ZFHX3: variants seen among roughly 807,000 people sequenced by gnomAD.
ZFHX3 encodes zinc finger homeobox protein 3.
ZFHX3 carries 42 observed loss-of-function variants against 279.1 expected under a neutral mutation model. That is an observed-to-expected ratio of 0.15 (90% CI 0.12 to 0.19). The LOEUF (loss-of-function observed/expected upper bound fraction) is 0.19, where lower values mean the gene tolerates loss of function less well. Among genes scored for constraint, ZFHX3 ranks in the 10% least tolerant of loss-of-function variants. ZFHX3 has a pLI of 1.00. For synonymous variants in ZFHX3, 2,293 were observed against 1,957.8 expected (o/e 1.17, Z -4.52); for missense variants, 4,981 against 4,754.0 (o/e 1.05, Z -1.40).
intron 4 of ZFHX3, among the ~76,000 whole-genome samples, chr16:73,259,164 T>TGTACACACGTGTGAGC (rs1264531453): frequency 1.3e-5 from 2 of 152,238 alleles, no homozygotes; most frequent in African/African-American, 4.8e-5. Flanking sequence ...TATGTGTGTG[T>TGTACACACGTGTGAGC]GTACACACGT....
intron 2 of ZFHX3, chr16:73,609,862 G>C (rs1006101101): frequency 6.6e-6 from 1 of 152,172 alleles, no homozygotes; most frequent in Non-Finnish European, 1.5e-5. Flanking sequence ...AATTGCCTAA[G>C]CTGTGAAAAT....
chr16:72,959,107 A>C lies in ZFHX3; in HGVS notation c.1039T>G (p.Phe347Val). The C allele has an allele frequency of 2.5e-6, 4 of 1,614,166 alleles. No individual in the cohort carries two copies. The highest frequency in any genetic ancestry group is 3.4e-6 in the Non-Finnish European group (4 of 1,180,020). ...VSFLEPKNKN[F>V]QHPLVSTANL... is the part of the protein sequence containing the mutation. ...GCTGTGGAAACTAAAGGGTGTTGAA[A>C]GTTTTTGTTTTTTGGTTCCAGAAAA... is the stretch of plus-strand genomic sequence containing the variant. The change falls in exon 2 of 10, where the codon TTT (phenylalanine) becomes GTT (valine). Residue 347 changes from phenylalanine (F) to valine (V), a missense_variant. By Grantham distance (50) the Phe-to-Val change is conservative. Transcript: ENST00000268489.
intron 1 of ZFHX3, among the ~76,000 whole-genome samples, chr16:73,835,606 G>C (rs963759568): frequency 6.6e-5 from 10 of 151,482 alleles, no homozygotes; most frequent in Admixed American, 2.0e-4. Flanking sequence ...AAGTAGCTGG[G>C]ATTACAGGCA....
At chr16:73,432,806 C>T (rs2017931727) in intron 3 of ZFHX3, among the ~76,000 whole-genome samples, 2 of 152,126 alleles carry the variant, frequency 1.3e-5, no homozygotes, top group Admixed American at 1.3e-4. Context: ...CTACCTTGGG[C>T]TGCAAGAGGC....
chr16:72,872,829 G>A (rs759845120), intron 4 of ZFHX3, among the ~76,000 whole-genome samples: 1 of 152,118 alleles, frequency 6.6e-6, no homozygotes, highest in Non-Finnish European at 1.5e-5. Context: ...GTGGGGGGTG[G>A]GGGATGGGCA....
chr16:73,524,758 G>A (rs75600289), intron 2 of ZFHX3, among the ~76,000 whole-genome samples: 1 of 152,210 alleles, frequency 6.6e-6, no homozygotes, highest in Admixed American at 6.5e-5. Context: ...TAGTGTGCAA[G>A]TGGTCAGCTG....
intron 5 of ZFHX3, among the ~76,000 whole-genome samples, chr16:73,170,219 A>G (rs139795264): frequency 1.3e-3 from 92 of 71,110 alleles, no homozygotes; most frequent in African/African-American, 2.8e-3. Context: ...TCTTCCTTTC[A>G]CTAGTTTTTT....
intron 3 of ZFHX3, among the ~76,000 whole-genome samples, chr16:72,909,809 T>C (rs937752264): frequency 1.4e-5 from 2 of 146,770 alleles, no homozygotes; most frequent in Non-Finnish European, 3.0e-5. Flanking sequence ...CCCTGGGAAG[T>C]TGAGGCCGCA....
At chr16:73,446,642 C>G (rs1396944215) in intron 3 of ZFHX3, among the ~76,000 whole-genome samples, 1 of 152,086 alleles carries the variant, frequency 6.6e-6, no homozygotes, top group African/African-American at 2.4e-5. Context: ...AATAGAAAAC[C>G]AAGTGCTGCA....
chr16:73,516,641 C>T (rs537286986), intron 2 of ZFHX3, among the ~76,000 whole-genome samples: 9 of 152,190 alleles, frequency 5.9e-5, no homozygotes, highest in African/African-American at 2.2e-4. Flanking sequence ...CCAATATACC[C>T]CAAACCAAAA....
intron 5 of ZFHX3, among the ~76,000 whole-genome samples, chr16:73,203,851 C>T (rs186044244): frequency 1.1e-4 from 16 of 152,300 alleles, no homozygotes; most frequent in African/African-American, 3.8e-4. Flanking sequence ...AATTGTCCAT[C>T]TATACCTCAG....
chr16:72,870,302 G>C (rs2143951471), intron 4 of ZFHX3, among the ~76,000 whole-genome samples: 1 of 152,202 alleles, frequency 6.6e-6, no homozygotes, highest in Admixed American at 6.5e-5. Context: ...TGAGGTGGGA[G>C]GATCACTTGA....
At chr16:72,974,568 AAC>A (rs59350988) in intron 1 of ZFHX3, among the ~76,000 whole-genome samples, 17,229 of 148,186 alleles carry the variant, frequency 0.12, 965 homozygotes, top group African/African-American at 0.14. Context: ...CTGATAGGGC[AAC>A]ACACACACAC....
intron 1 of ZFHX3, among the ~76,000 whole-genome samples, chr16:73,751,486 A>G (rs1241984645): frequency 2.0e-5 from 3 of 151,788 alleles, no homozygotes; most frequent in Admixed American, 6.6e-5. Flanking sequence ...ATCACAAACG[A>G]ATGTCTAATC....
rs762700822 is a variant in ZFHX3, at chr16:72,787,745, C to T, written c.10531G>A (p.Gly3511Ser). The T allele has an allele frequency of 2.4e-5, 32 of 1,340,314 alleles. No homozygotes were observed. In the South Asian group the frequency reaches 2.9e-4, roughly 12 times the overall value. 83.0% of individuals were successfully genotyped at this position (1,340,314 alleles called of 1,614,324 possible). A position where few individuals can be genotyped will look rare whatever the true frequency, so the allele number is the denominator to read the frequency against. The change falls in exon 10 of 10, where the codon GGT (glycine) becomes AGT (serine). Residue 3511 changes from glycine (G) to serine (S), a missense_variant. Coordinates refer to ENST00000268489, the MANE Select transcript of ZFHX3 (RefSeq NM_006885.4). ...VLHVPTGGGGGGSGGGGGGGG... is the reference protein window; with the variant it reads ...VLHVPTGGGGSGSGGGGGGGG... ...CCGCCGCCGCCGCCGCCACTGCCAC[C>T]GCCGCCGCCGCCGGTGGGGACGTGA...
intron 2 of ZFHX3, among the ~76,000 whole-genome samples, chr16:73,575,382 G>A (rs778493057): frequency 7.2e-5 from 11 of 152,124 alleles, no homozygotes; most frequent in Non-Finnish European, 1.3e-4. Context: ...ATGATGTTTT[G>A]TCCTTTGTTT....
intron 5 of ZFHX3, among the ~76,000 whole-genome samples, chr16:72,818,694 T>TTCCCTAA (rs2036690068): frequency 6.6e-6 from 1 of 152,332 alleles, no homozygotes; most frequent in African/African-American, 2.4e-5. Context: ...GGCTTCTCTC[T>TTCCCTAA]TCCCTAATCA....
chr16:73,234,094 T>G (rs1044469421), intron 5 of ZFHX3: 3 of 152,458 alleles, frequency 2.0e-5, no homozygotes, highest in Non-Finnish European at 2.9e-5. Flanking sequence ...TGTATGAGTG[T>G]GGCTCCGTGT....
chr16:72,884,673 G>A (rs963398440), intron 4 of ZFHX3, among the ~76,000 whole-genome samples: 1 of 152,214 alleles, frequency 6.6e-6, no homozygotes, highest in African/African-American at 2.4e-5. Flanking sequence ...AACACAAAGG[G>A]CCTGTGTTCT....
Sources: gnomAD v4.1 joint callset for allele counts (sites outside exome capture counted in the v4.1 genomes callset) on GRCh38, gnomAD v4.1.1 for gene constraint, MANE v1.5 for transcripts, NCBI Gene and HGNC (gene_info 2026-07-23, HGNC 2026-07-21) for gene names.